The following CDH2 variants were observed in gnomAD, a reference collection of about 807,000 sequenced individuals.
CDH2 encodes cadherin 2, also known as cadherin-2.
In CDH2, 17 loss-of-function variants were observed where a neutral mutation model predicts 92.0. The observed-to-expected ratio is 0.18, with a 90% CI of 0.13 to 0.28. The LOEUF is 0.28. CDH2 is among the 10% of genes least tolerant of loss of function. CDH2 has a pLI of 1.00. For missense variants in CDH2, 862 were observed against 1,133.1 expected (o/e 0.76, Z 3.44); for synonymous variants, 419 against 415.9 (o/e 1.01, Z -0.09).
At chr18:28,169,097 A>G (rs544184559) in intron 1 of CDH2, among the ~76,000 whole-genome samples, 1 of 152,292 alleles carries the variant, frequency 6.6e-6, no homozygotes, top group South Asian at 2.1e-4. Flanking sequence ...CTTCCCTGAA[A>G]TTAAAAATAC....
chr18:27,995,697 T>C (rs538861265), intron 7 of CDH2, among the ~76,000 whole-genome samples: 19 of 152,350 alleles, frequency 1.2e-4, no homozygotes, highest in African/African-American at 4.3e-4. Context: ...ATCTGCAATA[T>C]TGGAATTAGT....
chr18:28,133,581 CAAAAAAAAAAAAAA>C (rs765999292), intron 2 of CDH2, among the ~76,000 whole-genome samples: 2 of 47,252 alleles, frequency 4.2e-5, no homozygotes, highest in East Asian at 6.2e-4. Context: ...GACTCTGTCT[CAAAAAAAAAAAAAA>C]AAAAAAAAAG....
chr18:28,052,956 G>A (rs921480864), intron 2 of CDH2, among the ~76,000 whole-genome samples: 2 of 152,204 alleles, frequency 1.3e-5, no homozygotes, highest in East Asian at 1.9e-4. Context: ...AAATGAGGTC[G>A]TATGGGGGGG....
At position 28,009,855 on chromosome 18, in the gene CDH2, A is replaced by G; in HGVS notation, c.564T>C (p.Asp188=). ...CACTGTACCGCAGTGAAAGGTTTTT[A>G]TCTCTATCAGACCTGATCTGAGGAT... ...QELVRIRSDR[D]KNLSLRYSVT... Residue 188 remains aspartate (D), a synonymous_variant, in exon 5 of 16, where the codon GAT becomes GAC. Coordinates refer to ENST00000269141, the MANE Select transcript of CDH2 (RefSeq NM_001792.5). 6.2e-7 allele frequency: 1 copy of G among 1,612,782 alleles called. No homozygotes were observed. Among genetic ancestry groups the G allele is most frequent in the Non-Finnish European group, 8.5e-7 (1 of 1,179,398 alleles).
At chr18:28,031,683 A>G (rs1317168202) in intron 2 of CDH2, among the ~76,000 whole-genome samples, 1 of 152,114 alleles carries the variant, frequency 6.6e-6, no homozygotes, top group Non-Finnish European at 1.5e-5. Flanking sequence ...AAGGAAGAGG[A>G]AAGAACAGAG....
chr18:27,992,918 C>T (rs557807724), intron 8 of CDH2, 78 bp from the exon 9 acceptor site: 17 of 967,750 alleles, frequency 1.8e-5, no homozygotes, highest in South Asian at 5.7e-5. Flanking sequence ...CCACACCGTC[C>T]GATTTTACTG....
At chr18:28,088,373 G>A (rs529078721) in intron 2 of CDH2, among the ~76,000 whole-genome samples, 160 of 152,226 alleles carry the variant, frequency 1.1e-3, no homozygotes, top group Non-Finnish European at 1.7e-3. Context: ...CCCTGAACAC[G>A]CAAATGAGTT....
At chr18:28,055,589 T>G (rs1421048268) in intron 2 of CDH2, among the ~76,000 whole-genome samples, 1 of 152,230 alleles carries the variant, frequency 6.6e-6, no homozygotes, top group Non-Finnish European at 1.5e-5. Context: ...TATCTATATA[T>G]GTCTGTATGT....
chr18:28,006,119 C>T (rs2012909795), intron 5 of CDH2, 126 bp from the exon 6 acceptor site: 3 of 723,554 alleles, frequency 4.1e-6, no homozygotes, highest in Admixed American at 2.8e-5. Context: ...CGGTTCTTCC[C>T]ATCAAAATTT....
At chr18:28,064,141 G>GT (rs2014460302) in intron 2 of CDH2, among the ~76,000 whole-genome samples, 1 of 151,610 alleles carries the variant, frequency 6.6e-6, no homozygotes, top group Non-Finnish European at 1.5e-5. Context: ...AAAAGAGGGG[G>GT]GGGTAGGTGG....
At chr18:27,944,021 A>T (rs1432047556) in intron 6 of CDH2, among the ~76,000 whole-genome samples, 2 of 152,170 alleles carry the variant, frequency 1.3e-5, no homozygotes, top group Non-Finnish European at 2.9e-5. Context: ...AACAGGAGAA[A>T]ATGAAACAAA....
chr18:27,998,097 C>T (rs915055102), intron 7 of CDH2, among the ~76,000 whole-genome samples: 2 of 152,206 alleles, frequency 1.3e-5, no homozygotes, highest in Non-Finnish European at 2.9e-5. Flanking sequence ...TGAGCCACCA[C>T]TCCTGGCCAA....
At chr18:28,148,908 T>C (rs2016079254) in intron 1 of CDH2, among the ~76,000 whole-genome samples, 2 of 152,156 alleles carry the variant, frequency 1.3e-5, no homozygotes, top group South Asian at 4.1e-4. Flanking sequence ...TCTTTTCAAA[T>C]CCAAGAAAAT....
At chr18:28,088,900 G>T (rs1443545910) in intron 2 of CDH2, among the ~76,000 whole-genome samples, 1 of 152,104 alleles carries the variant, frequency 6.6e-6, no homozygotes, top group African/African-American at 2.4e-5. Context: ...AAAGACTACA[G>T]TGCCAATTCA....
At chr18:28,139,932 T>C (rs17469224) in intron 2 of CDH2, among the ~76,000 whole-genome samples, 35,472 of 151,840 alleles carry the variant, frequency 0.23, 4,393 homozygotes, top group Middle Eastern at 0.36. Context: ...AAATGTCTTC[T>C]TGACATCTCT....
intron 2 of CDH2, among the ~76,000 whole-genome samples, chr18:28,052,639 C>G (rs945909088): frequency 1.3e-5 from 2 of 152,084 alleles, no homozygotes; most frequent in African/African-American, 4.8e-5. Context: ...AAAAGGAAAA[C>G]AGTATTGGAA....
At chr18:28,106,191 T>C (rs2015317819) in intron 2 of CDH2, among the ~76,000 whole-genome samples, 1 of 152,152 alleles carries the variant, frequency 6.6e-6, no homozygotes, top group Admixed American at 6.6e-5. Context: ...CCAAGGCTGG[T>C]GGATCATCTG....
At chr18:28,092,476 A>G (rs1351358176) in intron 2 of CDH2, among the ~76,000 whole-genome samples, 1 of 152,152 alleles carries the variant, frequency 6.6e-6, no homozygotes, top group Non-Finnish European at 1.5e-5. Context: ...TAAATTGCTC[A>G]ATCCAATTAT....
chr18:28,131,983 A>G (rs977233415), intron 2 of CDH2, among the ~76,000 whole-genome samples: 1 of 152,216 alleles, frequency 6.6e-6, no homozygotes, highest in Non-Finnish European at 1.5e-5. Flanking sequence ...GGCATTGGGA[A>G]TACCGGGCAA....
Sources: gnomAD v4.1 joint callset for allele counts (sites outside exome capture counted in the v4.1 genomes callset) on GRCh38, gnomAD v4.1.1 for gene constraint, MANE v1.5 for transcripts, NCBI Gene and HGNC (gene_info 2026-07-23, HGNC 2026-07-21) for gene names.